The following MAST2 variants were observed in gnomAD, a reference collection of about 807,000 sequenced individuals.
MAST2 encodes microtubule-associated serine/threonine-protein kinase 2.
In MAST2, 70 loss-of-function variants were observed where a neutral mutation model predicts 147.4. The observed-to-expected ratio is 0.47, with a 90% CI of 0.39 to 0.58. The LOEUF (loss-of-function observed/expected upper bound fraction) is 0.58. MAST2 is among the 20% of genes least tolerant of loss of function. The pLI, the probability that MAST2 is intolerant of heterozygous loss-of-function variation, is 0.00. For synonymous variants in MAST2, 869 were observed against 896.8 expected (o/e 0.97, Z 0.55); for missense variants, 2,080 against 2,302.3 (o/e 0.90, Z 1.98).
At chr1:45,933,995 G>T (rs764478775) in intron 4 of MAST2, among the ~76,000 whole-genome samples, 1 of 151,804 alleles carries the variant, frequency 6.6e-6, no homozygotes, top group Non-Finnish European at 1.5e-5. Context: ...TGGGGATTTG[G>T]TGTACAGATT....
chr1:45,834,125 T>G (rs545368178), intron 3 of MAST2, among the ~76,000 whole-genome samples: 7 of 152,272 alleles, frequency 4.6e-5, no homozygotes, highest in Non-Finnish European at 1.0e-4. Context: ...CCGTCTATAG[T>G]ACATGGACCC....
chr1:45,877,349 C>CCT (rs1341122891), intron 3 of MAST2, among the ~76,000 whole-genome samples: 1 of 152,120 alleles, frequency 6.6e-6, no homozygotes, highest in Non-Finnish European at 1.5e-5. Flanking sequence ...GCCTCAATCT[C>CCT]CTGAGTAGCT....
intron 10 of MAST2, among the ~76,000 whole-genome samples, chr1:46,011,722 C>A (rs1200492132): frequency 6.6e-6 from 1 of 152,206 alleles, no homozygotes; most frequent in Non-Finnish European, 1.5e-5. Context: ...ACCAAGACCT[C>A]TCTCTCTGGA....
intron 5 of MAST2, among the ~76,000 whole-genome samples, chr1:45,977,259 G>A (rs530246155): frequency 4.6e-5 from 7 of 152,248 alleles, no homozygotes; most frequent in South Asian, 2.1e-4. Flanking sequence ...AGGCCAAGGC[G>A]GGTGGATCAC....
At chr1:46,012,583 C>A (rs991476429) in intron 10 of MAST2, among the ~76,000 whole-genome samples, 1 of 152,114 alleles carries the variant, frequency 6.6e-6, no homozygotes, top group African/African-American at 2.4e-5. Flanking sequence ...ATGTGATTGA[C>A]GAGCACTAGA....
chr1:45,975,963 C>A (rs1368998553), intron 5 of MAST2, among the ~76,000 whole-genome samples: 1 of 116,780 alleles, frequency 8.6e-6, no homozygotes. Context: ...GTTTTTTAAT[C>A]TAAAAACTGA....
chr1:45,991,170 C>T (rs1208133797), intron 5 of MAST2, among the ~76,000 whole-genome samples: 6 of 152,106 alleles, frequency 3.9e-5, no homozygotes, highest in Non-Finnish European at 8.8e-5. Flanking sequence ...ATTGAATTGC[C>T]AGTGCTCCTT....
chr1:45,999,279 C>T (rs1054077997), intron 6 of MAST2, among the ~76,000 whole-genome samples: 6 of 152,172 alleles, frequency 3.9e-5, no homozygotes, highest in African/African-American at 1.4e-4. Flanking sequence ...CTCTCCTACC[C>T]TATGGAACTT....
chr1:45,995,065 C>G (rs1163252945), intron 5 of MAST2, among the ~76,000 whole-genome samples: 2 of 152,130 alleles, frequency 1.3e-5, no homozygotes, highest in African/African-American at 4.8e-5. Flanking sequence ...TGGTCTCGAT[C>G]TCCTGGCCTC....
chr1:45,858,329 AT>A (rs751759965), intron 3 of MAST2, among the ~76,000 whole-genome samples: 7 of 152,036 alleles, frequency 4.6e-5, no homozygotes, highest in Non-Finnish European at 1.0e-4. Flanking sequence ...ATGGTATCTC[AT>A]TGTGGTTTTG....
chr1:45,856,787 G>GT (rs58794977), intron 3 of MAST2, among the ~76,000 whole-genome samples: 3,094 of 144,318 alleles, frequency 0.021, 45 homozygotes, highest in African/African-American at 0.036. Context: ...CTTTAGATCT[G>GT]TTTTTTTTTT....
intron 4 of MAST2, among the ~76,000 whole-genome samples, chr1:45,893,403 A>T (rs1014723617): frequency 6.6e-6 from 1 of 150,958 alleles, no homozygotes; most frequent in African/African-American, 2.4e-5. Flanking sequence ...TTTTATTTTA[A>T]TTTTTTGCAG....
intron 3 of MAST2, among the ~76,000 whole-genome samples, chr1:45,880,809 T>G (rs1266813426): frequency 6.6e-6 from 1 of 151,596 alleles, no homozygotes; most frequent in Non-Finnish European, 1.5e-5. Context: ...GGTGAACCCC[T>G]GTCTCTACTA....
intron 3 of MAST2, among the ~76,000 whole-genome samples, chr1:45,857,998 A>G (rs1352106173): frequency 6.6e-6 from 1 of 151,570 alleles, no homozygotes. Flanking sequence ...ACGTTTTCTT[A>G]ATTCAGTCTA....
chr1:45,874,072 C>T (rs533686958), intron 3 of MAST2, among the ~76,000 whole-genome samples: 2 of 152,146 alleles, frequency 1.3e-5, no homozygotes, highest in Non-Finnish European at 2.9e-5. Flanking sequence ...CCTCTCGCCT[C>T]GGCATCCCAA....
chr1:45,915,709 CAAA>C (rs58479623), intron 4 of MAST2, among the ~76,000 whole-genome samples: 5 of 130,796 alleles, frequency 3.8e-5, no homozygotes, highest in South Asian at 2.4e-4. Flanking sequence ...GACTCTGTCT[CAAA>C]AAAAAAAAAA....
At chr1:45,830,726 A>G (rs1644929622) in intron 3 of MAST2, among the ~76,000 whole-genome samples, 2 of 152,114 alleles carry the variant, frequency 1.3e-5, no homozygotes, top group African/African-American at 4.8e-5. Flanking sequence ...CTTAAAGTAT[A>G]TGTATAAGAA....
chr1:45,913,543 T>C, intron 4 of MAST2: 1 of 973,964 alleles, frequency 1.0e-6, no homozygotes, highest in Non-Finnish European at 1.2e-6. Flanking sequence ...TCTGATTTGT[T>C]GCTGGCTGAG....
At chr1:45,861,191 A>G (rs1645969447) in intron 3 of MAST2, among the ~76,000 whole-genome samples, 1 of 151,948 alleles carries the variant, frequency 6.6e-6, no homozygotes, top group Non-Finnish European at 1.5e-5. Context: ...TCTCTATTCC[A>G]TGTCATAAAT....
Sources: gnomAD v4.1 joint callset for allele counts (sites outside exome capture counted in the v4.1 genomes callset) on GRCh38, gnomAD v4.1.1 for gene constraint, MANE v1.5 for transcripts, NCBI Gene and HGNC (gene_info 2026-07-23, HGNC 2026-07-21) for gene names.